The following KCTD4 variants were observed in gnomAD, a reference collection of about 807,000 sequenced individuals.
The protein encoded by KCTD4 is potassium channel tetramerization domain containing 4.
Under a neutral mutation model 18.3 loss-of-function variants are expected in KCTD4, and 12 were observed. The observed-to-expected ratio is 0.66, with a 90% confidence interval of 0.42 to 1.06. The LOEUF (loss-of-function observed/expected upper bound fraction) is 1.06. Ranked by LOEUF, KCTD4 falls within the 50% of genes least tolerant of loss-of-function variation. KCTD4 has a pLI of 0.00. For synonymous variants in KCTD4, 124 were observed against 110.5 expected, an observed-to-expected ratio of 1.12 and a Z score of -0.76; for missense variants, 250 against 303.4, an observed-to-expected ratio of 0.82 and a Z score of 1.31.
At chr13:45,195,500 C>A (rs766208243) in intron 1 of KCTD4, among the ~76,000 whole-genome samples, 1 of 151,888 alleles carries the variant, frequency 6.6e-6, no homozygotes, top group Non-Finnish European at 1.5e-5. Flanking sequence ...ATACCTACTA[C>A]AAAATAGTGT....
In KCTD4 at chr13:45,194,589, C is replaced by T. The variant is rs753181440; in HGVS notation, c.-22G>A. On this transcript the variant is annotated 5_prime_UTR_variant, in exon 2 of 2. Transcript: ENST00000379108. ...CCATTTTTTGAAGATGCTATTTCAG[C>T]TTGTTCTTCTTGGCTTTGAGATTTT... 4 of 1,590,240 alleles carry T rather than the reference C, an allele frequency of 2.5e-6. No individual in the cohort carries two copies. Among genetic ancestry groups the T allele is most frequent in the South Asian group, 1.1e-5 (1 of 87,362 alleles).
At chr13:45,195,433 G>A (rs1446953721) in intron 1 of KCTD4, among the ~76,000 whole-genome samples, 2 of 152,164 alleles carry the variant, frequency 1.3e-5, no homozygotes, top group African/African-American at 4.8e-5. Flanking sequence ...TACTGTGACT[G>A]TGTATGTGCA....
In KCTD4 at chr13:45,194,364, G is replaced by A. The variant is rs1217455648; in HGVS notation, c.204C>T (p.Leu68=). Residue 68 remains leucine, a synonymous_variant, in exon 2 of 2, where the codon CTC becomes CTT. Coordinates refer to ENST00000379108, the MANE Select transcript of KCTD4 (RefSeq NM_198404.3). ...AATGACCATCAGCATCAAACGGGCA[G>A]AGGATTTTTCCATTTACTATACCTT... ...FLEGIVNGKI[L]CPFDADGHYF... is the part of the protein sequence containing the mutation. The A allele has an allele frequency of 4.3e-6, 7 of 1,614,082 alleles. No homozygotes were observed. Among genetic ancestry groups the A allele is most frequent in the Admixed American group, 3.3e-5 (2 of 60,006 alleles).
At chr13:45,197,904 A>C (rs1191044299) in intron 1 of KCTD4, among the ~76,000 whole-genome samples, 1 of 152,354 alleles carries the variant, frequency 6.6e-6, no homozygotes, top group East Asian at 1.9e-4. Flanking sequence ...TTTAAACCAC[A>C]CATGTCAAAG....
At chr13:45,198,757 G>A (rs1047739320) in intron 1 of KCTD4, among the ~76,000 whole-genome samples, 9 of 151,522 alleles carry the variant, frequency 5.9e-5, no homozygotes, top group Admixed American at 2.0e-4. Flanking sequence ...CCTTTCACAA[G>A]CTGAGTTTCT....
In KCTD4 at chr13:45,200,977, A is replaced by T. The variant is rs1873155004; in HGVS notation, c.-341T>A. ...CAGTAGTCCTCTGGTCTGGGTTTTT[A>T]CAGGAGCTGGAAGTTCTCTTAAAGG... On this transcript the variant is annotated 5_prime_UTR_variant, in exon 1 of 2. Transcript: ENST00000379108. Among the ~76,000 whole-genome samples, 1 of 152,178 alleles carries T rather than the reference A, an allele frequency of 6.6e-6. No homozygotes were observed. The highest frequency in any genetic ancestry group is 6.5e-5 in the Admixed American group (1 of 15,276).
chr13:45,199,510 A>C (rs1417185958), intron 1 of KCTD4, among the ~76,000 whole-genome samples: 1 of 96,192 alleles, frequency 1.0e-5, no homozygotes, highest in Non-Finnish European at 2.4e-5. Context: ...TAAGTTTTTT[A>C]AAAATGAAGT....
At chr13:45,197,624 A>G (rs1285725603) in intron 1 of KCTD4, among the ~76,000 whole-genome samples, 1 of 152,122 alleles carries the variant, frequency 6.6e-6, no homozygotes, top group Non-Finnish European at 1.5e-5. Flanking sequence ...TTCATTGATC[A>G]TTGCTGCCTG....
rs1158928559 is a variant in KCTD4, at chr13:45,194,480, A to G, written c.88T>C (p.Cys30Arg). Residue 30 changes from cysteine to arginine, a missense_variant, in exon 2 of 2, where the codon TGC (cysteine) becomes CGC (arginine). Cys to Arg is a radical substitution (Grantham distance 180, BLOSUM62 -3). Transcript: ENST00000379108. ...SLEDTDQGKN[C>R]KSTLMTLNVG... The stretch of plus-strand genomic sequence containing the variant: ...TTGAGGGTCATCAGTGTGGATTTGC[A>G]GTTCTTTCCTTGATCAGTATCTTCC... 2 of 1,614,128 alleles carry G rather than the reference A, an allele frequency of 1.2e-6. No individual in the cohort carries two copies. Among genetic ancestry groups the G allele is most frequent in the African/African-American group, 1.3e-5 (1 of 75,038 alleles).
chr13:45,198,830 C>A (rs1353546774), intron 1 of KCTD4, among the ~76,000 whole-genome samples: 2 of 151,780 alleles, frequency 1.3e-5, no homozygotes, highest in Non-Finnish European at 2.9e-5. Flanking sequence ...AAGAAACATT[C>A]ATTTTGATAT....
intron 1 of KCTD4, among the ~76,000 whole-genome samples, chr13:45,200,258 G>A (rs1185612845): frequency 6.6e-6 from 1 of 151,142 alleles, no homozygotes; most frequent in African/African-American, 2.4e-5. Context: ...AGAGAGAGAG[G>A]GAGAGACAAA....
At chr13:45,199,764 A>T (rs1873084518) in intron 1 of KCTD4, among the ~76,000 whole-genome samples, 1 of 152,226 alleles carries the variant, frequency 6.6e-6, no homozygotes, top group Admixed American at 6.5e-5. Context: ...ACTCTTGTAA[A>T]GGTAGTACAG....
intron 1 of KCTD4, among the ~76,000 whole-genome samples, chr13:45,196,558 TATA>T (rs1322132462): frequency 6.6e-6 from 1 of 152,224 alleles, no homozygotes; most frequent in Non-Finnish European, 1.5e-5. Context: ...AGTAGCATCA[TATA>T]ATAGCAAAAT....
At position 45,193,941 on chromosome 13, in the gene KCTD4, TA is replaced by T; in HGVS notation, c.626del (p.Val209AspfsTer2). ...AGACAAAGGTGTTGTCTTCCTTTAG[TA>T]CAAGTCGAGTGCCATTTTCAGACTT... ...FIKSENGTRL[V>X]LKEDNTFVCT... On this transcript the variant is annotated frameshift_variant, in exon 2 of 2. Transcript: ENST00000379108. LOFTEE classifies it high-confidence loss of function. 6.2e-7 allele frequency: 1 copy of T among 1,614,180 alleles called. No homozygotes were observed. The highest frequency in any genetic ancestry group is 8.5e-7 in the Non-Finnish European group (1 of 1,180,006).
In KCTD4 at chr13:45,194,673, A is replaced by G. The variant is rs1872803811; in HGVS notation, c.-106T>C. On this transcript the variant is annotated 5_prime_UTR_variant, in exon 2 of 2. Coordinates refer to ENST00000379108, the MANE Select transcript of KCTD4 (RefSeq NM_198404.3). ...TATTCAGCCCCAGCCTGGTGATGGA[A>G]TGGAAACGCTGGCAGCATCGCCTGC... 1.9e-6 allele frequency: 2 copies of G among 1,046,382 alleles called. No individual in the cohort carries two copies. The highest frequency in any genetic ancestry group is 2.8e-6 in the Non-Finnish European group (2 of 709,342). The allele number at this position is 1,046,382 out of a possible 1,614,324, so 64.8% of individuals were successfully genotyped here.
chr13:45,195,702 A>T (rs1031804881), intron 1 of KCTD4, among the ~76,000 whole-genome samples: 2 of 152,152 alleles, frequency 1.3e-5, no homozygotes, highest in Non-Finnish European at 2.9e-5. Flanking sequence ...CTGAGGTTTC[A>T]CTTCTAGCAT....
Position 45,193,866 on chromosome 13 carries a change from A to G in KCTD4, c.702T>C (p.Cys234=). 1 of 1,614,144 alleles carries G rather than the reference A, an allele frequency of 6.2e-7. No individual in the cohort carries two copies. Among genetic ancestry groups the G allele is most frequent in the Non-Finnish European group, 8.5e-7 (1 of 1,179,988 alleles). ...KFEAIMMALK[C]GFRLLTSLDC... ...CCAGGCTGGTCAGCAGTCTAAAGCC[A>G]CACTTTAAAGCCATCATGATAGCCT... The change falls in exon 2 of 2, where the codon TGT becomes TGC. Residue 234 remains cysteine (C), a synonymous_variant. Coordinates refer to ENST00000379108, the MANE Select transcript of KCTD4 (RefSeq NM_198404.3).
intron 1 of KCTD4, among the ~76,000 whole-genome samples, chr13:45,200,209 AACAG>A (rs1219261770): frequency 6.6e-6 from 1 of 152,184 alleles, no homozygotes; most frequent in Non-Finnish European, 1.5e-5. Flanking sequence ...AAGTAAAATT[AACAG>A]ACAGGGAGGA....
intron 1 of KCTD4, among the ~76,000 whole-genome samples, chr13:45,195,895 A>G (rs1005275803): frequency 6.6e-6 from 1 of 152,182 alleles, no homozygotes; most frequent in Non-Finnish European, 1.5e-5. Context: ...GATTCAGGTG[A>G]TCTGCCCACC....
Sources: gnomAD v4.1 joint callset for allele counts (sites outside exome capture counted in the v4.1 genomes callset) on GRCh38, gnomAD v4.1.1 for gene constraint, MANE v1.5 for transcripts, NCBI Gene and HGNC (gene_info 2026-07-23, HGNC 2026-07-21) for gene names.